The following KLF16 variants were observed in gnomAD, a reference collection of about 807,000 sequenced individuals.
The protein encoded by KLF16 is KLF transcription factor 16, also known as Krueppel-like factor 16.
KLF16 carries 6 observed loss-of-function variants against 6.1 expected under a neutral mutation model. The observed-to-expected ratio is 0.98, with a 90% CI of 0.54 to 1.93. KLF16 has a LOEUF of 1.93. KLF16 is among the 30% of genes most tolerant of loss of function. The pLI, the probability that KLF16 is intolerant of heterozygous loss-of-function variation, is 0.01. For missense variants in KLF16, 355 were observed against 363.8 expected, an observed-to-expected ratio of 0.98 and a Z score of 0.20; for synonymous variants, 211 against 176.5, an observed-to-expected ratio of 1.20 and a Z score of -1.55.
chr19:1,864,167 C>T (rs2012142176), upstream of KLF16, among the ~76,000 whole-genome samples: 1 of 151,046 alleles, frequency 6.6e-6, no homozygotes, highest in South Asian at 2.1e-4. Flanking sequence ...GGATGCTTCC[C>T]TCCTGGCCCC....
At chr19:1,856,208 C>A (rs1253120165) in intron 1 of KLF16, among the ~76,000 whole-genome samples, 1 of 152,124 alleles carries the variant, frequency 6.6e-6, no homozygotes, top group Non-Finnish European at 1.5e-5. Context: ...CACGGCCATG[C>A]TCAGGGTGAC....
chr19:1,863,469 TA>T lies in KLF16; in HGVS notation c.28del (p.Tyr10ThrfsTer135). On this transcript the variant is annotated frameshift_variant, in exon 1 of 2. Transcript: ENST00000250916. LOFTEE classifies it high-confidence loss of function. MSAAVACVD[Y>X]FAADVLMAIS... ...GGCCATGAGCACGTCGGCGGCGAAG[TA>T]ATCCACGCACGCCACGGCCGCCGAC... 9.6e-7 allele frequency: 1 copy of T among 1,043,552 alleles called. No homozygotes were observed. The allele number at this position is 1,043,552 out of a possible 1,614,324, so 64.6% of individuals were successfully genotyped here.
At chr19:1,870,974 CCA>C in the KLF16 span, among the ~76,000 whole-genome samples, 1 of 152,166 alleles carries the variant, frequency 6.6e-6, no homozygotes, top group African/African-American at 2.4e-5. Flanking sequence ...CCGGCCTGGG[CCA>C]CAGAGTGAGA....
At chr19:1,867,216 G>A (rs1486527748), upstream of KLF16, among the ~76,000 whole-genome samples, 2 of 152,202 alleles carry the variant, frequency 1.3e-5, no homozygotes, top group African/African-American at 4.8e-5. Flanking sequence ...TGAGGGCAGA[G>A]GTCACATAAC....
intron 1 of KLF16, chr19:1,862,730 A>C (rs1169647478): frequency 5.8e-6 from 2 of 342,088 alleles, no homozygotes; most frequent in African/African-American, 2.2e-5. Context: ...AAAAAAAAAA[A>C]CGGAACAAGG....
the KLF16 span, chr19:1,876,136 C>G: frequency 1.3e-5 from 2 of 153,072 alleles, no homozygotes; most frequent in Non-Finnish European, 2.9e-5. Context: ...TCGTCCACAG[C>G]CTGACGCCAG....
chr19:1,863,534 A>AAG lies in KLF16; in HGVS notation c.-38_-37insCT, dbSNP rs1599196856. ...GCGCGCGGCGCGGCGGGCGGAGCGG[A>AAG]GGCGGCGGGAGCGGCGTCCGTCCGG... On this transcript the variant is annotated 5_prime_UTR_variant, in exon 1 of 2. Coordinates refer to ENST00000250916, the MANE Select transcript of KLF16 (RefSeq NM_031918.4). The AAG allele has an allele frequency of 5.3e-6, 5 of 950,248 alleles. 1 individual carries two copies. In the East Asian group the frequency reaches 4.7e-4, roughly 89 times the overall value. The allele number at this position is 950,248 out of a possible 1,614,324, so 58.9% of individuals were successfully genotyped here. A position where few individuals can be genotyped will look rare whatever the true frequency, so the allele number is the denominator to read the frequency against.
At chr19:1,865,548 T>C (rs1033885767), upstream of KLF16, among the ~76,000 whole-genome samples, 2 of 152,138 alleles carry the variant, frequency 1.3e-5, no homozygotes, top group African/African-American at 4.8e-5. Context: ...AGGCTAACGA[T>C]GGGGGGCAGG....
chr19:1,873,901 G>A, the KLF16 span, among the ~76,000 whole-genome samples: 1 of 152,246 alleles, frequency 6.6e-6, no homozygotes, highest in South Asian at 2.1e-4. Context: ...TACGCTGAAG[G>A]CGTCTGGGAG....
upstream of KLF16, among the ~76,000 whole-genome samples, chr19:1,866,408 C>T (rs556346395): frequency 3.8e-3 from 576 of 151,960 alleles, 5 homozygotes; most frequent in Non-Finnish European, 6.2e-3. Context: ...GTCGAGAGTT[C>T]GAGACCAGCC....
rs373403636 is a variant in KLF16 at position 1,854,037 on chromosome 19, G to C, written c.*422C>G. Reference sequence around the variant, plus strand: ...CGTGTCAACCCCCGACTCCTCTATGGCTGTCTGAACACTTCATCCCAATCT... The same window carrying C: ...CGTGTCAACCCCCGACTCCTCTATGCCTGTCTGAACACTTCATCCCAATCT... On this transcript the variant is annotated 3_prime_UTR_variant, in exon 2 of 2. Transcript: ENST00000250916. 1 of 171,704 alleles carries C rather than the reference G, an allele frequency of 5.8e-6. No individual in the cohort carries two copies. The highest frequency in any genetic ancestry group is 1.7e-4 in the East Asian group (1 of 6,042). The allele number at this position is 171,704 out of a possible 1,614,324, so 10.6% of individuals were successfully genotyped here. A position where few individuals can be genotyped will look rare whatever the true frequency, so the allele number is the denominator to read the frequency against.
At chr19:1,864,276 G>A (rs1007127577), upstream of KLF16, among the ~76,000 whole-genome samples, 1 of 138,418 alleles carries the variant, frequency 7.2e-6, no homozygotes, top group Non-Finnish European at 1.5e-5. Context: ...GGCCACGTGC[G>A]CGACCCTTCC....
At chr19:1,875,250 A>G in the KLF16 span, 2 of 152,240 alleles carry the variant, frequency 1.3e-5, no homozygotes, top group Admixed American at 1.3e-4. Flanking sequence ...GTTCGTTATA[A>G]AAGACAGCAA....
upstream of KLF16, among the ~76,000 whole-genome samples, chr19:1,868,251 G>A (rs1175214225): frequency 6.6e-6 from 1 of 152,058 alleles, no homozygotes; most frequent in African/African-American, 2.4e-5. Context: ...GCAGAACAGG[G>A]CAGGGACAGG....
chr19:1,856,258 G>A (rs1212239417), intron 1 of KLF16, among the ~76,000 whole-genome samples: 3 of 152,130 alleles, frequency 2.0e-5, no homozygotes, highest in African/African-American at 4.8e-5. Context: ...GCTGCCCTGG[G>A]GAGCCCAGCT....
intron 1 of KLF16, 52 bp downstream of exon 1, chr19:1,862,989 A>C: frequency 3.7e-6 from 4 of 1,095,596 alleles, no homozygotes; most frequent in Non-Finnish European, 1.2e-6. Context: ...CTGGCGGGGG[A>C]GGGGTCTCAG....
upstream of KLF16, among the ~76,000 whole-genome samples, chr19:1,864,306 G>C (rs956781426): frequency 2.0e-5 from 3 of 152,132 alleles, no homozygotes; most frequent in African/African-American, 7.2e-5. Flanking sequence ...TCCCGGCCTG[G>C]GGCCCTGCTT....
intron 1 of KLF16, among the ~76,000 whole-genome samples, chr19:1,855,101 C>G (rs1271701729): frequency 6.6e-6 from 1 of 152,178 alleles, no homozygotes; most frequent in Non-Finnish European, 1.5e-5. Context: ...AGGCGGGACC[C>G]TGGCAGGGAT....
rs1260816494 is a variant in KLF16 at position 1,863,502 on chromosome 19, A to G, written c.-5T>C. On this transcript the variant is annotated 5_prime_UTR_variant, in exon 1 of 2. Transcript: ENST00000250916. The stretch of plus-strand genomic sequence containing the variant: ...GCACGCCACGGCCGCCGACATGCCG[A>G]GCAAGGGCGCGCGGCGCGGCGGGCG... The G allele has an allele frequency of 1.0e-6, 1 of 990,092 alleles. No individual in the cohort carries two copies. 61.3% of individuals were successfully genotyped at this position (990,092 alleles called of 1,614,324 possible).
Sources: gnomAD v4.1 joint callset for allele counts (sites outside exome capture counted in the v4.1 genomes callset) on GRCh38, gnomAD v4.1.1 for gene constraint, MANE v1.5 for transcripts, NCBI Gene and HGNC (gene_info 2026-07-23, HGNC 2026-07-21) for gene names.